Variants in JARID2 observed in about 807,000 individuals in gnomAD.
The protein encoded by JARID2 is protein Jumonji.
In JARID2, 21 loss-of-function variants were observed where a neutral mutation model predicts 125.6. The ratio of observed to expected loss-of-function variants is 0.17; its 90% CI spans 0.12 to 0.24. The LOEUF (loss-of-function observed/expected upper bound fraction) is 0.24. Among genes scored for constraint, JARID2 ranks in the 10% least tolerant of loss-of-function variants. The pLI is 1.00. For synonymous variants in JARID2, 736 were observed against 661.6 expected, an observed-to-expected ratio of 1.11 and a Z score of -1.73; for missense variants, 1,303 against 1,639.6, an observed-to-expected ratio of 0.79 and a Z score of 3.55.
In JARID2 at chr6:15,520,687, GCGCA is replaced by G. The variant is rs1400156082; in HGVS notation, c.*438_*441del. 2.5e-6 allele frequency: 1 copy of G among 403,908 alleles called. No individual in the cohort carries two copies. 25.0% of individuals were successfully genotyped at this position (403,908 alleles called of 1,614,324 possible). ...TTTTTAGAAGGGATAGGAGACACAC[GCGCA>G]CACACACACACACACGAAACTTGAA... On this transcript the variant is annotated 3_prime_UTR_variant, in exon 18 of 18. Coordinates refer to ENST00000341776, the MANE Select transcript of JARID2 (RefSeq NM_004973.4).
Position 15,468,787 on chromosome 6 carries a change from T to G in JARID2, c.670+69T>G, listed in dbSNP as rs996771710. 6 of 1,475,954 alleles carry G rather than the reference T, an allele frequency of 4.1e-6. No homozygotes were observed. The African/African-American group carries it at 7.0e-5, about 17-fold the overall frequency. 91.4% of individuals were successfully genotyped at this position (1,475,954 alleles called of 1,614,324 possible). A position where few individuals can be genotyped will look rare whatever the true frequency, so the allele number is the denominator to read the frequency against. ...TGGGTGAGAGCTGGAAGAGAGCCTCTGCTGAGAAGAGATGAGATGAAGGCA... is the reference window on the plus strand; with the variant it reads ...TGGGTGAGAGCTGGAAGAGAGCCTCGGCTGAGAAGAGATGAGATGAAGGCA... On this transcript the variant is annotated intron_variant, in intron 5 of 17. Transcript: ENST00000341776.
At chr6:15,390,872 G>A (rs1764974892) in intron 2 of JARID2, among the ~76,000 whole-genome samples, 1 of 152,070 alleles carries the variant, frequency 6.6e-6, no homozygotes, top group Non-Finnish European at 1.5e-5. Context: ...TCCCACCAAG[G>A]GTTCAGAAAA....
chr6:15,450,181 A>G (rs1043847527), intron 3 of JARID2, among the ~76,000 whole-genome samples: 2 of 151,778 alleles, frequency 1.3e-5, no homozygotes, highest in African/African-American at 4.8e-5. Context: ...ATTCGTTATT[A>G]TTTTTGAGAC....
At chr6:15,348,163 C>T (rs1344664349) in intron 1 of JARID2, among the ~76,000 whole-genome samples, 1 of 151,180 alleles carries the variant, frequency 6.6e-6, no homozygotes, top group African/African-American at 2.4e-5. Flanking sequence ...GTGATCTCGG[C>T]TCACTGCAAT....
At chr6:15,379,617 C>T (rs1431423224) in intron 2 of JARID2, among the ~76,000 whole-genome samples, 1 of 152,066 alleles carries the variant, frequency 6.6e-6, no homozygotes, top group Non-Finnish European at 1.5e-5. Flanking sequence ...TTTAAGGGAC[C>T]CTGGATTCAT....
rs540821402 is a variant in JARID2 at position 15,437,004 on chromosome 6, A to G, written c.324-15002A>G. ...CTCCCAGCATATCCAGGTCCTTCTT[A>G]GAGCCCGACTGCAGGCCACCCTGTC... is the stretch of plus-strand genomic sequence containing the variant. On this transcript the variant is annotated intron_variant, in intron 3 of 17. Transcript: ENST00000341776. Among the ~76,000 whole-genome samples the G allele has an allele frequency of 8.5e-5, 13 of 152,200 alleles. No individual in the cohort carries two copies. The East Asian group carries it at 2.3e-3, about 27-fold the overall frequency.
At chr6:15,451,302 G>T (rs1383813227) in intron 3 of JARID2, among the ~76,000 whole-genome samples, 1 of 152,200 alleles carries the variant, frequency 6.6e-6, no homozygotes, top group Non-Finnish European at 1.5e-5. Context: ...GATTGTAATG[G>T]GAAAGAAGCC....
chr6:15,437,510 G>C (rs1767259750), intron 3 of JARID2, among the ~76,000 whole-genome samples: 1 of 151,966 alleles, frequency 6.6e-6, no homozygotes. Context: ...AACATTCTCT[G>C]CTTTTAAAGT....
intron 1 of JARID2, among the ~76,000 whole-genome samples, chr6:15,355,857 C>T (rs1166140009): frequency 6.6e-6 from 1 of 152,218 alleles, no homozygotes; most frequent in East Asian, 1.9e-4. Flanking sequence ...GTGATCTGCC[C>T]ACCTTGACTT....
chr6:15,433,052 T>G (rs954498330), intron 3 of JARID2, among the ~76,000 whole-genome samples: 2 of 152,206 alleles, frequency 1.3e-5, no homozygotes, highest in Non-Finnish European at 2.9e-5. Context: ...CCCAAGTGAT[T>G]CTTTTGTTGC....
At chr6:15,390,389 C>G (rs988674349) in intron 2 of JARID2, among the ~76,000 whole-genome samples, 5 of 152,124 alleles carry the variant, frequency 3.3e-5, no homozygotes, top group African/African-American at 9.7e-5. Context: ...ACACTCAGGT[C>G]AAGCAGGGAC....
chr6:15,374,124 G>T lies in JARID2; in HGVS notation c.53G>T (p.Ser18Ile). 1 of 1,614,014 alleles carries T rather than the reference G, an allele frequency of 6.2e-7. No homozygotes were observed. The highest frequency in any genetic ancestry group is 1.1e-5 in the South Asian group (1 of 91,066). The stretch of plus-strand genomic sequence containing the variant: ...TTTCTTATGTTTCTTCAGGATGACA[G>T]TGATGGGATTCCGTGGTCAGAAGAA... ...RNIIQKKYDD[S>I]DGIPWSEERV... The change falls in exon 2 of 18, where the codon AGT becomes ATT. Residue 18 changes from serine (S) to isoleucine (I), a missense_variant. Physicochemically the swap from Ser to Ile is moderately radical, Grantham distance 142. Around this residue, in one of 11 missense-constraint regions of JARID2, gnomAD observed 93 missense variants for 120.4 expected, o/e 0.77. Coordinates refer to ENST00000341776, the MANE Select transcript of JARID2 (RefSeq NM_004973.4).
intron 2 of JARID2, among the ~76,000 whole-genome samples, chr6:15,382,049 C>G (rs1413812550): frequency 6.6e-6 from 1 of 152,046 alleles, no homozygotes; most frequent in South Asian, 2.1e-4. Flanking sequence ...TTTGGGAGGC[C>G]GAGGCGGGCG....
At chr6:15,267,649 T>A (rs1424704778) in intron 1 of JARID2, among the ~76,000 whole-genome samples, 1 of 152,164 alleles carries the variant, frequency 6.6e-6, no homozygotes, top group Non-Finnish European at 1.5e-5. Context: ...TGTCCTGTCT[T>A]CAGAAGTCCG....
At chr6:15,418,010 A>C in intron 3 of JARID2, among the ~76,000 whole-genome samples, 1 of 152,098 alleles carries the variant, frequency 6.6e-6, no homozygotes, top group East Asian at 1.9e-4. Context: ...GAAGTTATTG[A>C]GTCACGGGAA....
In JARID2 at chr6:15,246,354, C is replaced by A; in HGVS notation, c.-186C>A. 1 of 498,716 alleles carries A rather than the reference C, an allele frequency of 2.0e-6. No homozygotes were observed. Among genetic ancestry groups the A allele is most frequent in the South Asian group, 3.1e-5 (1 of 32,506 alleles). The allele number at this position is 498,716 out of a possible 1,614,324, so 30.9% of individuals were successfully genotyped here. A position where few individuals can be genotyped will look rare whatever the true frequency, so the allele number is the denominator to read the frequency against. ...CGTTCGTCTTTGGCTCTTTTTTTTTCCTTCCCAATTTCGGATTTATTTCAA... is the reference window on the plus strand; with the variant it reads ...CGTTCGTCTTTGGCTCTTTTTTTTTACTTCCCAATTTCGGATTTATTTCAA... On this transcript the variant is annotated 5_prime_UTR_variant, in exon 1 of 18. Coordinates refer to ENST00000341776, the MANE Select transcript of JARID2 (RefSeq NM_004973.4).
At chr6:15,387,385 G>T (rs1026925297) in intron 2 of JARID2, among the ~76,000 whole-genome samples, 1 of 152,146 alleles carries the variant, frequency 6.6e-6, no homozygotes, top group Non-Finnish European at 1.5e-5. Context: ...CACAGTTCTG[G>T]TGTCTGTAAG....
intron 1 of JARID2, among the ~76,000 whole-genome samples, chr6:15,326,071 A>G (rs906186949): frequency 6.6e-6 from 1 of 152,236 alleles, no homozygotes; most frequent in African/African-American, 2.4e-5. Flanking sequence ...ATCAATGTGT[A>G]TATGAAACCC....
chr6:15,393,763 A>G (rs1765113229), intron 2 of JARID2, among the ~76,000 whole-genome samples: 2 of 152,216 alleles, frequency 1.3e-5, no homozygotes, highest in Admixed American at 1.3e-4. Context: ...CACTGCGTAA[A>G]TAAGAGGAGG....
Sources: allele counts gnomAD v4.1 joint callset (sites outside exome capture counted in the v4.1 genomes callset), GRCh38; gene constraint gnomAD v4.1.1; regional missense constraint gnomAD v4.1.1; transcripts MANE v1.5; gene names NCBI Gene and HGNC (gene_info 2026-07-23, HGNC 2026-07-21).